Variants in WDR36 observed in about 807,000 individuals in gnomAD.
The protein encoded by WDR36 is WD repeat-containing protein 36.
In WDR36, 63 loss-of-function variants were observed where a neutral mutation model predicts 112.7. That is an observed-to-expected ratio of 0.56 (90% CI 0.46 to 0.69). WDR36 has a LOEUF of 0.69. Among genes scored for constraint, WDR36 ranks in the 30% least tolerant of loss-of-function variants. The pLI is 0.00. For missense variants in WDR36, 1,226 were observed against 1,070.3 expected (o/e 1.15, Z -2.03); for synonymous variants, 410 against 362.2 (o/e 1.13, Z -1.50).
chr5:111,103,162 G>A (rs79545281), intron 6 of WDR36, among the ~76,000 whole-genome samples: 4,826 of 151,754 alleles, frequency 0.032, 259 homozygotes, highest in African/African-American at 0.11. Context: ...TTAATAAAAC[G>A]TGTAGCCTGA....
At position 111,113,048 on chromosome 5, in the gene WDR36, A is replaced by AT. The variant is rs1348741204; in HGVS notation, c.1717-25dup. 145 of 458,072 alleles carry AT rather than the reference A, an allele frequency of 3.2e-4. No individual in the cohort carries two copies. In the African/African-American group the frequency reaches 4.8e-3, roughly 15 times the overall value. The allele number at this position is 458,072 out of a possible 1,614,324, so 28.4% of individuals were successfully genotyped here. ...TTATATATAAATAATATATATATAT[A>AT]TATATTTTTTTTTTTTAATTTAAAG... On this transcript the variant is annotated intron_variant, in intron 15 of 22. Transcript: ENST00000513710.
chr5:111,108,527 T>C (rs572537134), intron 12 of WDR36, among the ~76,000 whole-genome samples: 1 of 150,410 alleles, frequency 6.6e-6, no homozygotes, highest in Non-Finnish European at 1.5e-5. Context: ...TTCTAAACCG[T>C]AAAGATTCTA....
At chr5:111,104,461 G>C (rs1366641587) in intron 8 of WDR36, 109 bp downstream of exon 8, 1 of 1,488,280 alleles carries the variant, frequency 6.7e-7, no homozygotes, top group Non-Finnish European at 9.4e-7. Flanking sequence ...AAAGGAATAT[G>C]GAATGAGATA....
chr5:111,098,732 C>T lies in WDR36; in HGVS notation c.302C>T (p.Thr101Ile). 1 of 1,600,606 alleles carries T rather than the reference C, an allele frequency of 6.2e-7. No homozygotes were observed. Among genetic ancestry groups the T allele is most frequent in the Non-Finnish European group, 8.6e-7 (1 of 1,168,102 alleles). ...AFARNKEIVH[T>I]FKGHKAEIHF... is the part of the protein sequence containing the mutation. ...ACTTCGATGTTTTAGATAGTACATA[C>T]CTTTAAGGGTCATAAGGCAGAAATC... The change falls in exon 4 of 23, where the codon ACC (threonine) becomes ATC (isoleucine). Residue 101 changes from threonine (T) to isoleucine (I), a missense_variant. Transcript: ENST00000513710.
chr5:111,103,761 A>G (rs1179315327), intron 6 of WDR36, 25 bp from the exon 7 acceptor site: 2 of 1,609,754 alleles, frequency 1.2e-6, no homozygotes, highest in Admixed American at 1.7e-5. Flanking sequence ...TAAGAAAGTA[A>G]AAGTTTGAAT....
At position 111,127,293 on chromosome 5, in the gene WDR36, T is replaced by G. The variant is rs1753694286; in HGVS notation, c.*410T>G. 4.7e-6 allele frequency: 1 copy of G among 211,360 alleles called. No homozygotes were observed. The highest frequency in any genetic ancestry group is 9.6e-6 in the Non-Finnish European group (1 of 104,464). The allele number at this position is 211,360 out of a possible 1,614,324, so 13.1% of individuals were successfully genotyped here. On this transcript the variant is annotated 3_prime_UTR_variant, in exon 23 of 23. Coordinates refer to ENST00000513710, the MANE Select transcript of WDR36 (RefSeq NM_139281.3). ...TAACTTTTATATGATTTTTAAAAAA[T>G]TATTACCTGCTTATATTTTTTGAGT...
At chr5:111,099,451 G>GTTTTTTTT (rs796092518) in intron 4 of WDR36, among the ~76,000 whole-genome samples, 6 of 55,632 alleles carry the variant, frequency 1.1e-4, no homozygotes, top group Non-Finnish European at 2.4e-4. Flanking sequence ...GTTTTTTTTT[G>GTTTTTTTT]TTTTTTTTTT....
chr5:111,104,794 A>G lies in WDR36; in HGVS notation c.1004A>G (p.Asn335Ser). ...PLTNIRYYGQ[N>S]GQQILSASQD... Reference sequence around the variant, plus strand: ...ACCAATATCAGATATTATGGACAGAATGGACAGCAGATTCTAAGTGCAAGT... The same window carrying G: ...ACCAATATCAGATATTATGGACAGAGTGGACAGCAGATTCTAAGTGCAAGT... Residue 335 changes from asparagine to serine, a missense_variant, in exon 9 of 23, where the codon AAT becomes AGT. Transcript: ENST00000513710. The G allele has an allele frequency of 6.2e-7, 1 of 1,611,214 alleles. No individual in the cohort carries two copies. The highest frequency in any genetic ancestry group is 1.1e-5 in the South Asian group (1 of 91,056).
At position 111,110,311 on chromosome 5, in the gene WDR36, A is replaced by C; in HGVS notation, c.1441+8A>C. The C allele has an allele frequency of 1.2e-6, 2 of 1,600,530 alleles. No homozygotes were observed. Among genetic ancestry groups the C allele is most frequent in the South Asian group, 2.2e-5 (2 of 90,810 alleles). ...GTTTTGGCAAGGATCAAGGTAGAGA[A>C]TTTTTTTCCTTGTTTTTTATTAATG... On this transcript the variant is annotated splice_region_variant and intron_variant, in intron 13 of 22. Coordinates refer to ENST00000513710, the MANE Select transcript of WDR36 (RefSeq NM_139281.3).
intron 1 of WDR36, among the ~76,000 whole-genome samples, chr5:111,094,415 G>T (rs1328270995): frequency 1.3e-5 from 2 of 152,106 alleles, no homozygotes; most frequent in Non-Finnish European, 1.5e-5. Flanking sequence ...CTGTAAGCCA[G>T]TCTAGCCCAC....
rs1227983212 is a variant in WDR36, at chr5:111,128,620, G to T, written c.*1737G>T. The T allele has an allele frequency of 5.5e-6, 1 of 181,308 alleles. No individual in the cohort carries two copies. The highest frequency in any genetic ancestry group is 9.0e-5 in the East Asian group (1 of 11,120). 11.2% of individuals were successfully genotyped at this position (181,308 alleles called of 1,614,324 possible). A position where few individuals can be genotyped will look rare whatever the true frequency, so the allele number is the denominator to read the frequency against. On this transcript the variant is annotated 3_prime_UTR_variant, in exon 23 of 23. Transcript: ENST00000513710. Reference sequence around the variant, plus strand: ...AAATTGTATTGCTTACAGAAATCATGAACCGAATTTTCTTCTCTTTTTAAA... The same window carrying T: ...AAATTGTATTGCTTACAGAAATCATTAACCGAATTTTCTTCTCTTTTTAAA...
intron 16 of WDR36, among the ~76,000 whole-genome samples, 159 bp downstream of exon 16, chr5:111,113,312 T>G (rs1001992848): frequency 6.6e-6 from 1 of 152,030 alleles, no homozygotes. Flanking sequence ...GGAGTGTTTT[T>G]GATAACTAAA....
intron 5 of WDR36, among the ~76,000 whole-genome samples, chr5:111,101,306 A>G (rs1205171127): frequency 1.3e-5 from 2 of 151,980 alleles, no homozygotes; most frequent in African/African-American, 2.4e-5. Context: ...GAATTGCTAT[A>G]GAGAAGGCTC....
At chr5:111,118,230 C>T (rs1753495804) in intron 16 of WDR36, among the ~76,000 whole-genome samples, 1 of 152,148 alleles carries the variant, frequency 6.6e-6, no homozygotes, top group Non-Finnish European at 1.5e-5. Flanking sequence ...ATTGTATTTT[C>T]CCTTGCCTTA....
chr5:111,099,463 G>GTTTTTTTTTTTT (rs67437234), intron 4 of WDR36, among the ~76,000 whole-genome samples: 360 of 84,766 alleles, frequency 4.2e-3, no homozygotes, highest in East Asian at 6.3e-3. Context: ...TTTTTTTTTT[G>GTTTTTTTTTTTT]TTTTTTTTTT....
intron 6 of WDR36, among the ~76,000 whole-genome samples, chr5:111,102,904 G>A (rs556485302): frequency 6.6e-6 from 1 of 151,614 alleles, no homozygotes; most frequent in East Asian, 1.9e-4. Context: ...AGCGAATCTT[G>A]TGTTTATATT....
chr5:111,122,519 T>C (rs1339065136), intron 19 of WDR36, among the ~76,000 whole-genome samples: 2 of 152,192 alleles, frequency 1.3e-5, no homozygotes, highest in Non-Finnish European at 2.9e-5. Context: ...ACTGTGGAGT[T>C]CCTCCAAAGC....
rs749079778 is a variant in WDR36 at position 111,126,806 on chromosome 5, G to A, written c.2611G>A (p.Glu871Lys). The A allele has an allele frequency of 5.9e-5, 96 of 1,613,644 alleles. No individual in the cohort carries two copies. Among genetic ancestry groups the A allele is most frequent in the Non-Finnish European group, 7.6e-5 (90 of 1,179,818 alleles). ...AACAAATTTGTCATCCCAGGTGGAA[G>A]AAAACTGGACCCATTTGCAATCACT... is the stretch of plus-strand genomic sequence containing the variant. ...EITNLSSQVE[E>K]NWTHLQSLFN... The change falls in exon 23 of 23, where the codon GAA becomes AAA. Residue 871 changes from glutamate to lysine, a missense_variant. Coordinates refer to ENST00000513710, the MANE Select transcript of WDR36 (RefSeq NM_139281.3).
rs540767551 is a variant in WDR36, at chr5:111,126,917, T to C, written c.*34T>C. The C allele has an allele frequency of 6.5e-7, 1 of 1,541,740 alleles. No homozygotes were observed. The highest frequency in any genetic ancestry group is 1.4e-5 in the African/African-American group (1 of 72,526). ...TTGTGACTAAACAAAGACTTTCATA[T>C]TAAATGGGTTCAATTGAACTCATTT... On this transcript the variant is annotated 3_prime_UTR_variant, in exon 23 of 23. Coordinates refer to ENST00000513710, the MANE Select transcript of WDR36 (RefSeq NM_139281.3).
Sources: gnomAD v4.1 joint callset for allele counts (sites outside exome capture counted in the v4.1 genomes callset) on GRCh38, gnomAD v4.1.1 for gene constraint, MANE v1.5 for transcripts, NCBI Gene and HGNC (gene_info 2026-07-23, HGNC 2026-07-21) for gene names.